Variants in RS1 observed in about 807,000 individuals in gnomAD.
RS1 encodes retinoschisin.
In RS1, 2 loss-of-function variants were observed where a neutral mutation model predicts 20.8. The ratio of observed to expected loss-of-function variants is 0.10; its 90% CI spans 0.04 to 0.30. RS1 has a LOEUF of 0.30. Ranked by LOEUF, RS1 falls within the 10% of genes least tolerant of loss-of-function variation. The pLI is 1.00. For synonymous variants in RS1, 70 were observed against 75.8 expected (o/e 0.92, Z 0.40); for missense variants, 151 against 189.8 (o/e 0.80, Z 1.20).
At chrX:18,644,349 G>T in intron 5 of RS1, 81 bp downstream of exon 5, 1 of 870,562 alleles carries the variant, frequency 1.1e-6, no homozygotes, top group Non-Finnish European at 1.7e-6. Flanking sequence ...TCTGACAGAG[G>T]GCAGTGACAG....
intron 1 of RS1, among the ~76,000 whole-genome samples, chrX:18,662,278 G>A (rs1289304627): frequency 2.7e-5 from 3 of 112,483 alleles, no homozygotes; most frequent in African/African-American, 9.7e-5. Flanking sequence ...CTCTGTGCTG[G>A]CTGAGGAAGT....
At chrX:18,657,217 C>CTTTTTTTTTT (rs749358875) in intron 2 of RS1, among the ~76,000 whole-genome samples, 1,455 of 65,041 alleles carry the variant, frequency 0.022, 158 homozygotes, top group East Asian at 0.085. Flanking sequence ...AAAAAAAATA[C>CTTTTTTTTTT]TTTTTTTTTT....
intron 2 of RS1, among the ~76,000 whole-genome samples, chrX:18,656,984 G>T (rs1928227357): frequency 9.0e-6 from 1 of 110,912 alleles, no homozygotes; most frequent in South Asian, 3.8e-4. Context: ...TAATCTCACA[G>T]ATACACCCAT....
intron 4 of RS1, 84 bp downstream of exon 4, chrX:18,647,107 G>T: frequency 9.4e-7 from 1 of 1,063,853 alleles, no homozygotes; most frequent in Non-Finnish European, 1.3e-6. Context: ...AGTAGAGACG[G>T]GGTTTCACTG....
chrX:18,654,118 C>T (rs1017278274), intron 3 of RS1, among the ~76,000 whole-genome samples: 10 of 109,730 alleles, frequency 9.1e-5, no homozygotes, highest in Non-Finnish European at 1.7e-4. Flanking sequence ...GTCAATATCA[C>T]ATCCCTCAAA....
intron 1 of RS1, among the ~76,000 whole-genome samples, chrX:18,659,462 T>C (rs1928275349): frequency 9.0e-6 from 1 of 110,624 alleles, no homozygotes; most frequent in South Asian, 3.9e-4. Context: ...TGAGACTCTG[T>C]CTCAAAAAAT....
intron 1 of RS1, 132 bp from the exon 2 acceptor site, chrX:18,657,797 TGG>T: frequency 5.5e-6 from 3 of 546,232 alleles, no homozygotes; most frequent in Non-Finnish European, 9.7e-6. Context: ...GAAGAAGTCA[TGG>T]TGAGTAAATA....
chrX:18,669,605 G>A (rs1032360114), intron 1 of RS1, among the ~76,000 whole-genome samples: 5 of 110,898 alleles, frequency 4.5e-5, no homozygotes, highest in African/African-American at 1.6e-4. Context: ...TCACTGTAAT[G>A]AGGAGACACT....
intron 4 of RS1, chrX:18,646,213 A>G: frequency 2.8e-6 from 3 of 1,069,806 alleles, no homozygotes; most frequent in Non-Finnish European, 3.8e-6. Flanking sequence ...GTGCAGTGGC[A>G]CACAATCTCG....
chrX:18,665,435 G>C (rs952986175), intron 1 of RS1, among the ~76,000 whole-genome samples: 1 of 111,277 alleles, frequency 9.0e-6, no homozygotes, highest in Non-Finnish European at 1.9e-5. Flanking sequence ...CACCTCTCGG[G>C]ATTTATGTTT....
chrX:18,645,887 GC>G, intron 4 of RS1: 1 of 1,123,654 alleles, frequency 8.9e-7, no homozygotes, highest in South Asian at 1.9e-5. Flanking sequence ...ACTAGATGGG[GC>G]CCCCTAACCA....
chrX:18,670,059 C>T (rs1268433239), intron 1 of RS1, among the ~76,000 whole-genome samples: 2 of 111,151 alleles, frequency 1.8e-5, no homozygotes, highest in African/African-American at 6.6e-5. Context: ...CTCCTGACAG[C>T]CTGTCTTTTA....
At chrX:18,663,521 T>C (rs1928354469) in intron 1 of RS1, among the ~76,000 whole-genome samples, 1 of 108,935 alleles carries the variant, frequency 9.2e-6, no homozygotes, top group South Asian at 4.0e-4. Context: ...TTTAAACCTA[T>C]TTTTATAGAG....
At chrX:18,661,795 C>T (rs754811166) in intron 1 of RS1, among the ~76,000 whole-genome samples, 34 of 112,492 alleles carry the variant, frequency 3.0e-4, no homozygotes, top group Non-Finnish European at 6.2e-4. Context: ...CTCTCAACGC[C>T]TTCTGCACGT....
Position 18,672,078 on chromosome X carries a change from G to A in RS1, c.-10C>T, listed in dbSNP as rs370979911. 4 of 1,205,264 alleles carry A rather than the reference G, an allele frequency of 3.3e-6. No homozygotes were observed. Among genetic ancestry groups the A allele is most frequent in the Middle Eastern group, 2.3e-4 (1 of 4,336 alleles). ...CTATCTTGCGTGACATCTTCCCCTC[G>A]TCCTCGGCCAAAGCTCTACCTTACT... is the stretch of plus-strand genomic sequence containing the variant. On this transcript the variant is annotated 5_prime_UTR_variant, in exon 1 of 6. It adds an upstream start codon to the 5' untranslated region. Transcript: ENST00000379984.
At chrX:18,644,701 G>C in intron 4 of RS1, 76 bp from the exon 5 acceptor site, 2 of 1,038,364 alleles carry the variant, frequency 1.9e-6, no homozygotes, top group East Asian at 3.0e-5. Context: ...GCTGGCTCTC[G>C]AGGGGATGCC....
intron 5 of RS1, 137 bp downstream of exon 5, chrX:18,644,293 T>G: frequency 1.7e-6 from 1 of 586,803 alleles, no homozygotes; most frequent in Non-Finnish European, 3.0e-6. Context: ...GCACAGCACA[T>G]TGTGGGGGAA....
chrX:18,643,352 T>G (rs976634969), intron 5 of RS1, among the ~76,000 whole-genome samples: 1 of 111,138 alleles, frequency 9.0e-6, no homozygotes. Context: ...TTCTTGCCTT[T>G]CTCCGCAGTG....
intron 5 of RS1, among the ~76,000 whole-genome samples, chrX:18,643,862 T>G (rs1439757909): frequency 2.7e-5 from 3 of 110,560 alleles, no homozygotes; most frequent in Non-Finnish European, 5.7e-5. Flanking sequence ...AGGAGTCTAC[T>G]GCGTTTAGTC....
Sources: gnomAD v4.1 joint callset for allele counts (sites outside exome capture counted in the v4.1 genomes callset) on GRCh38, gnomAD v4.1.1 for gene constraint, MANE v1.5 for transcripts, NCBI Gene and HGNC (gene_info 2026-07-23, HGNC 2026-07-21) for gene names.